Variants in PITPNC1 observed in about 807,000 individuals in gnomAD.
The protein encoded by PITPNC1 is cytoplasmic phosphatidylinositol transfer protein 1.
Under a neutral mutation model 44.7 loss-of-function variants are expected in PITPNC1, and 18 were observed. The observed-to-expected ratio is 0.40, with a 90% CI of 0.28 to 0.60. The LOEUF is 0.60. PITPNC1 is among the 20% of genes least tolerant of loss of function. The pLI is 0.39. For missense variants in PITPNC1, 290 were observed against 418.4 expected (o/e 0.69, Z 2.68); for synonymous variants, 141 against 149.6 (o/e 0.94, Z 0.42).
At chr17:67,412,862 G>A (rs990928924) in intron 1 of PITPNC1, among the ~76,000 whole-genome samples, 1 of 152,118 alleles carries the variant, frequency 6.6e-6, no homozygotes, top group Non-Finnish European at 1.5e-5. Flanking sequence ...CACCGCGCCC[G>A]GCCTTCATAT....
At chr17:67,422,525 A>G (rs2038685242) in intron 1 of PITPNC1, among the ~76,000 whole-genome samples, 1 of 152,072 alleles carries the variant, frequency 6.6e-6, no homozygotes, top group Admixed American at 6.6e-5. Flanking sequence ...CCACCTGCCC[A>G]GCCCTAGCTT....
intron 5 of PITPNC1, among the ~76,000 whole-genome samples, chr17:67,620,503 C>T (rs987998242): frequency 6.6e-6 from 1 of 152,184 alleles, no homozygotes; most frequent in Non-Finnish European, 1.5e-5. Flanking sequence ...CCCCTTCCAA[C>T]CCCTCACCCT....
At chr17:67,625,387 C>A (rs78811439) in intron 5 of PITPNC1, among the ~76,000 whole-genome samples, 2,983 of 152,228 alleles carry the variant, frequency 0.02, 68 homozygotes, top group African/African-American at 0.055. Flanking sequence ...CGCATCCTAA[C>A]GTGACCTCAG....
rs1567757487 is a variant in PITPNC1, at chr17:67,647,463, G to GTTTTTTT, written c.462+15225_462+15226insTTTTTTT. 4.1e-3 allele frequency among the ~76,000 whole-genome samples: 367 copies of GTTTTTTT among 90,574 alleles called. 32 individuals carry two copies. The highest frequency in any genetic ancestry group is 0.017 in the African/African-American group (340 of 19,914). 59.4% of individuals were successfully genotyped at this position (90,574 alleles called of 152,430 possible). ...ACACCATCACACCCAGCTAATTTTG[G>GTTTTTTT]GTTTTTTTTTTTTTTTTTTTTTTTT... On this transcript the variant is annotated intron_variant, in intron 6 of 8. Transcript: ENST00000581322.
At position 67,632,158 on chromosome 17, in the gene PITPNC1, G is replaced by A; in HGVS notation, c.382G>A (p.Ala128Thr). 1 of 1,611,578 alleles carries A rather than the reference G, an allele frequency of 6.2e-7. No homozygotes were observed. Among genetic ancestry groups the A allele is most frequent in the Non-Finnish European group, 8.5e-7 (1 of 1,177,732 alleles). The change falls in exon 6 of 9, where the codon GCC becomes ACC. Residue 128 changes from alanine to threonine, a missense_variant. Ala to Thr is a moderately conservative substitution (Grantham distance 58, BLOSUM62 0). Coordinates refer to ENST00000581322, the MANE Select transcript of PITPNC1 (RefSeq NM_012417.4). ...GSNDTIFDNEAKDVEREVCFI... is the reference protein window; with the variant it reads ...GSNDTIFDNETKDVEREVCFI... ...GCTTTTTCAGATTTTCGACAATGAA[G>A]CCAAAGACGTGGAGAGAGAAGTTTG...
At chr17:67,470,303 T>C (rs929905466) in intron 1 of PITPNC1, among the ~76,000 whole-genome samples, 6 of 152,184 alleles carry the variant, frequency 3.9e-5, no homozygotes, top group Non-Finnish European at 8.8e-5. Flanking sequence ...ATACACACAC[T>C]GTAGTCATGT....
chr17:67,442,581 G>T (rs568688627), intron 1 of PITPNC1, among the ~76,000 whole-genome samples: 1 of 151,774 alleles, frequency 6.6e-6, no homozygotes, highest in Non-Finnish European at 1.5e-5. Context: ...GGTGGCTCAC[G>T]CCTGTAATCC....
At chr17:67,495,380 T>TA (rs1568013799) in intron 1 of PITPNC1, among the ~76,000 whole-genome samples, 1 of 152,114 alleles carries the variant, frequency 6.6e-6, no homozygotes, top group Non-Finnish European at 1.5e-5. Flanking sequence ...AGATCTTTTT[T>TA]AAAAAAACTT....
At chr17:67,614,837 A>AC (rs908725480) in intron 5 of PITPNC1, among the ~76,000 whole-genome samples, 1 of 151,476 alleles carries the variant, frequency 6.6e-6, no homozygotes, top group African/African-American at 2.4e-5. Flanking sequence ...ATATAGTGGG[A>AC]CCCCGTCTCT....
intron 4 of PITPNC1, among the ~76,000 whole-genome samples, chr17:67,555,745 G>A (rs1568038972): frequency 6.6e-6 from 1 of 151,674 alleles, no homozygotes; most frequent in Non-Finnish European, 1.5e-5. Flanking sequence ...TTGGGAGGCT[G>A]AGACAGGAGA....
At chr17:67,598,531 C>T (rs190785425) in intron 5 of PITPNC1, among the ~76,000 whole-genome samples, 8 of 152,212 alleles carry the variant, frequency 5.3e-5, no homozygotes, top group African/African-American at 1.9e-4. Flanking sequence ...CCCAGAGAGA[C>T]CCCTTAGGTT....
Position 67,436,908 on chromosome 17 carries a change from G to GTTTT in PITPNC1, c.48+58731_48+58734dup, listed in dbSNP as rs1044625193. On this transcript the variant is annotated intron_variant, in intron 1 of 8. Transcript: ENST00000581322. ...TCTGATTGTATTTGAAAATAGGGGT[G>GTTTT]TTTTTTTTTTTTTTTTTTTTTTTTT... is the stretch of plus-strand genomic sequence containing the variant. Among the ~76,000 whole-genome samples, 90 of 68,458 alleles carry GTTTT rather than the reference G, an allele frequency of 1.3e-3. 7 individuals are homozygous for GTTTT. The highest frequency in any genetic ancestry group is 1.8e-3 in the Non-Finnish European group (62 of 35,424). 44.9% of individuals were successfully genotyped at this position (68,458 alleles called of 152,430 possible).
At chr17:67,436,940 A>G (rs1357223554) in intron 1 of PITPNC1, among the ~76,000 whole-genome samples, 1 of 91,362 alleles carries the variant, frequency 1.1e-5, no homozygotes, top group Non-Finnish European at 2.0e-5. Flanking sequence ...TTTTTTTGAG[A>G]CAGGATCTCA....
intron 1 of PITPNC1, among the ~76,000 whole-genome samples, chr17:67,440,086 G>A (rs146138535): frequency 3.0e-4 from 45 of 152,272 alleles, no homozygotes; most frequent in African/African-American, 1.1e-3. Context: ...CTTGAGCAAA[G>A]CCTAGAGAAT....
At chr17:67,434,773 G>GAAC (rs2038909144) in intron 1 of PITPNC1, among the ~76,000 whole-genome samples, 1 of 144,270 alleles carries the variant, frequency 6.9e-6, no homozygotes, top group African/African-American at 2.6e-5. Flanking sequence ...TTGCAACAGG[G>GAAC]AACAACAGAG....
At chr17:67,433,301 TTAGCCGCGGG>T (rs2038883349) in intron 1 of PITPNC1, among the ~76,000 whole-genome samples, 1 of 152,230 alleles carries the variant, frequency 6.6e-6, no homozygotes, top group Admixed American at 6.5e-5. Context: ...TGCTAAGGTC[TTAGCCGCGGG>T]CTGCGGGAGC....
rs535453139 is a variant in PITPNC1 at position 67,509,469 on chromosome 17, G to A, written c.49-23333G>A. On this transcript the variant is annotated intron_variant, in intron 1 of 8. Coordinates refer to ENST00000581322, the MANE Select transcript of PITPNC1 (RefSeq NM_012417.4). Reference sequence around the variant, plus strand: ...GAAGAATCGCTTGAACCCAGGAGGTGGAGGTTGCAGTGAGCCGAGATTGCA... The same window carrying A: ...GAAGAATCGCTTGAACCCAGGAGGTAGAGGTTGCAGTGAGCCGAGATTGCA... 4.1e-4 allele frequency among the ~76,000 whole-genome samples: 62 copies of A among 151,938 alleles called. 2 individuals carry two copies. In the East Asian group the frequency reaches 0.012, roughly 29 times the overall value.
chr17:67,580,868 G>A (rs1249287328), intron 5 of PITPNC1, among the ~76,000 whole-genome samples: 3 of 152,120 alleles, frequency 2.0e-5, no homozygotes, highest in Admixed American at 1.3e-4. Context: ...AGGCAGCATG[G>A]TGAAACCCCA....
chr17:67,558,503 A>G (rs1294640415), intron 4 of PITPNC1, among the ~76,000 whole-genome samples: 4 of 152,140 alleles, frequency 2.6e-5, no homozygotes, highest in African/African-American at 4.8e-5. Flanking sequence ...AGATGAGCAT[A>G]AATCAGCAGT....
Sources: allele counts gnomAD v4.1 joint callset (sites outside exome capture counted in the v4.1 genomes callset), GRCh38; gene constraint gnomAD v4.1.1; transcripts MANE v1.5; gene names NCBI Gene and HGNC (gene_info 2026-07-23, HGNC 2026-07-21).